Variants in CNTNAP2 observed in about 807,000 individuals in gnomAD.
CNTNAP2 encodes contactin associated protein 2, also known as contactin-associated protein-like 2.
Under a neutral mutation model 155.2 loss-of-function variants are expected in CNTNAP2, and 98 were observed. The ratio of observed to expected loss-of-function variants is 0.63; its 90% CI spans 0.54 to 0.75. The LOEUF (loss-of-function observed/expected upper bound fraction) is 0.75. Among genes scored for constraint, CNTNAP2 ranks in the 30% least tolerant of loss-of-function variants. The pLI is 0.00. For synonymous variants in CNTNAP2, 651 were observed against 631.2 expected (o/e 1.03, Z -0.47); for missense variants, 1,727 against 1,688.1 (o/e 1.02, Z -0.40).
intron 13 of CNTNAP2, among the ~76,000 whole-genome samples, chr7:147,876,352 A>G (rs563241448): frequency 2.0e-4 from 31 of 152,086 alleles, no homozygotes; most frequent in African/African-American, 2.4e-4. Flanking sequence ...TTCTTTTTTT[A>G]TCATTTCAAA....
At chr7:146,505,346 CAG>C (rs201608327) in intron 1 of CNTNAP2, among the ~76,000 whole-genome samples, 1,933 of 152,318 alleles carry the variant, frequency 0.013, 19 homozygotes, top group Middle Eastern at 0.041. Context: ...CAGGTACTAA[CAG>C]GGGTAAATCA....
At chr7:147,626,228 G>T (rs959933696) in intron 12 of CNTNAP2, among the ~76,000 whole-genome samples, 1 of 152,178 alleles carries the variant, frequency 6.6e-6, no homozygotes, top group South Asian at 2.1e-4. Context: ...CAATGGAGTG[G>T]GCAGATGCAA....
intron 1 of CNTNAP2, among the ~76,000 whole-genome samples, chr7:146,646,414 G>C (rs1799812712): frequency 6.6e-6 from 1 of 151,880 alleles, no homozygotes; most frequent in Non-Finnish European, 1.5e-5. Flanking sequence ...ATTTTCAGAG[G>C]GTTCAGGTAT....
chr7:148,092,879 TAAAAAAAAA>T (rs11321148), intron 15 of CNTNAP2, among the ~76,000 whole-genome samples: 2 of 122,724 alleles, frequency 1.6e-5, no homozygotes, highest in Non-Finnish European at 3.5e-5. Context: ...AGTCTCAATT[TAAAAAAAAA>T]AAAAAAAAAA....
At chr7:147,857,166 C>T (rs17170702) in intron 13 of CNTNAP2, among the ~76,000 whole-genome samples, 1,918 of 152,182 alleles carry the variant, frequency 0.013, 49 homozygotes, top group African/African-American at 0.044. Context: ...AAAATAAAGT[C>T]GGTAGCCAAA....
Position 146,555,439 on chromosome 7 carries a change from T to A in CNTNAP2, c.98-218832T>A, listed in dbSNP as rs149730751. Among the ~76,000 whole-genome samples, 692 of 152,268 alleles carry A rather than the reference T, an allele frequency of 4.5e-3. 4 individuals carry two copies. Among genetic ancestry groups the A allele is most frequent in the African/African-American group, 0.016 (646 of 41,540 alleles). On this transcript the variant is annotated intron_variant, in intron 1 of 23. Coordinates refer to ENST00000361727, the MANE Select transcript of CNTNAP2 (RefSeq NM_014141.6). ...ACTGAATTATATATCTAATCTTCTA[T>A]CTCATCTATTTATCGATTTATCCAT...
chr7:147,867,434 G>A (rs753606902), intron 13 of CNTNAP2, among the ~76,000 whole-genome samples: 1 of 152,074 alleles, frequency 6.6e-6, no homozygotes, highest in Non-Finnish European at 1.5e-5. Flanking sequence ...CCTTGGAGTG[G>A]CTCTTCTTGA....
intron 20 of CNTNAP2, among the ~76,000 whole-genome samples, chr7:148,265,517 C>A (rs977066756): frequency 4.6e-5 from 7 of 152,158 alleles, no homozygotes; most frequent in Non-Finnish European, 5.9e-5. Flanking sequence ...TCGAGAGATC[C>A]ACAAGCTTCA....
At chr7:147,696,729 A>T (rs1052958755) in intron 13 of CNTNAP2, among the ~76,000 whole-genome samples, 10 of 151,998 alleles carry the variant, frequency 6.6e-5, no homozygotes, top group African/African-American at 2.4e-4. Context: ...TGTCTGAGAA[A>T]GTCCTTATTT....
chr7:148,200,717 T>A (rs933348188), intron 18 of CNTNAP2, among the ~76,000 whole-genome samples: 4 of 152,228 alleles, frequency 2.6e-5, no homozygotes, highest in African/African-American at 9.6e-5. Context: ...AATTGCTTTT[T>A]TAGATCTTTC....
chr7:146,477,559 A>G (rs1229619461), intron 1 of CNTNAP2, among the ~76,000 whole-genome samples: 1 of 148,102 alleles, frequency 6.8e-6, no homozygotes, highest in Non-Finnish European at 1.5e-5. Context: ...TAATTTAACT[A>G]TTACTTTGTA....
chr7:147,832,527 A>ATATAT (rs563757086), intron 13 of CNTNAP2, among the ~76,000 whole-genome samples: 4,833 of 146,114 alleles, frequency 0.033, 129 homozygotes, highest in Non-Finnish European at 0.052. Flanking sequence ...TTATATTTCA[A>ATATAT]TATATTTTTA....
chr7:148,254,230 G>A (rs1003220403), intron 20 of CNTNAP2, among the ~76,000 whole-genome samples: 4 of 152,038 alleles, frequency 2.6e-5, no homozygotes, highest in Admixed American at 6.6e-5. Flanking sequence ...GGCTCTTACC[G>A]CACCAGGCTA....
intron 1 of CNTNAP2, among the ~76,000 whole-genome samples, chr7:146,283,645 T>A (rs895516509): frequency 6.6e-6 from 1 of 152,170 alleles, no homozygotes; most frequent in African/African-American, 2.4e-5. Context: ...ATATGGAAAA[T>A]GAAATATGGG....
chr7:146,646,443 A>G (rs1799813338), intron 1 of CNTNAP2, among the ~76,000 whole-genome samples: 1 of 152,220 alleles, frequency 6.6e-6, no homozygotes, highest in South Asian at 2.1e-4. Context: ...CTGTATAAGT[A>G]GTATAATATA....
At chr7:146,167,679 C>T (rs1329997242) in intron 1 of CNTNAP2, among the ~76,000 whole-genome samples, 3 of 152,098 alleles carry the variant, frequency 2.0e-5, no homozygotes, top group Non-Finnish European at 4.4e-5. Flanking sequence ...GAGAAAGATA[C>T]TGAATTTTTG....
chr7:146,172,978 GT>G (rs1183908874), intron 1 of CNTNAP2, among the ~76,000 whole-genome samples: 5 of 151,736 alleles, frequency 3.3e-5, no homozygotes, highest in African/African-American at 1.2e-4. Context: ...CTGTGTGTGT[GT>G]TTTTTTTCTA....
chr7:147,884,770 A>G (rs995097578), intron 13 of CNTNAP2, among the ~76,000 whole-genome samples: 4 of 152,158 alleles, frequency 2.6e-5, no homozygotes, highest in Non-Finnish European at 4.4e-5. Flanking sequence ...CTTCTGTGAG[A>G]TTGGAGGACT....
intron 1 of CNTNAP2, among the ~76,000 whole-genome samples, chr7:146,579,446 A>T (rs1344428492): frequency 6.6e-6 from 1 of 152,170 alleles, no homozygotes; most frequent in Non-Finnish European, 1.5e-5. Context: ...GAAGTGCCTC[A>T]GACCTCTTTG....
Sources: allele counts gnomAD v4.1 joint callset (sites outside exome capture counted in the v4.1 genomes callset), GRCh38; gene constraint gnomAD v4.1.1; transcripts MANE v1.5; gene names NCBI Gene and HGNC (gene_info 2026-07-23, HGNC 2026-07-21).